The following EML5 variants were observed in gnomAD, a reference collection of about 807,000 sequenced individuals.
EML5 encodes EMAP like 5, also known as echinoderm microtubule-associated protein-like 5.
A neutral mutation model predicts 250.0 loss-of-function variants in EML5; 120 were observed. That is an observed-to-expected ratio of 0.48 (90% CI 0.41 to 0.56). EML5 has a LOEUF of 0.56. EML5 is among the 20% of genes least tolerant of loss of function. The pLI, the probability that EML5 is intolerant of heterozygous loss-of-function variation, is 0.00. For synonymous variants in EML5, 771 were observed against 806.5 expected, an observed-to-expected ratio of 0.96 and a Z score of 0.75; for missense variants, 2,006 against 2,437.6, an observed-to-expected ratio of 0.82 and a Z score of 3.73.
In EML5 at chr14:88,665,432, T is replaced by C; in HGVS notation, c.3182A>G (p.Asp1061Gly). ...DGKALAVGLNDGSFLMANADT... is the reference protein window; with the variant it reads ...DGKALAVGLNGGSFLMANADT... ...CGCATTTGCCATTAAGAAGCTTCCATCGTTGAGACCTACGGCTAAAGCTTT... is the reference window on the plus strand; with the variant it reads ...CGCATTTGCCATTAAGAAGCTTCCACCGTTGAGACCTACGGCTAAAGCTTT... The change falls in exon 22 of 44, where the codon GAT (aspartate) becomes GGT (glycine). Residue 1061 changes from aspartate to glycine, a missense_variant. Coordinates refer to ENST00000554922, the MANE Select transcript of EML5 (RefSeq NM_183387.3). 1 of 1,613,978 alleles carries C rather than the reference T, an allele frequency of 6.2e-7. No homozygotes were observed. Among genetic ancestry groups the C allele is most frequent in the Non-Finnish European group, 8.5e-7 (1 of 1,179,878 alleles).
At chr14:88,761,521 A>G (rs2094243064) in intron 1 of EML5, among the ~76,000 whole-genome samples, 1 of 152,230 alleles carries the variant, frequency 6.6e-6, no homozygotes, top group Admixed American at 6.5e-5. Context: ...TGCAAAGGAC[A>G]TGAACTCATC....
chr14:88,619,199 CT>C (rs2088365572), intron 39 of EML5: 1 of 155,774 alleles, frequency 6.4e-6, no homozygotes. Flanking sequence ...AACCCTGTCT[CT>C]ACTAAAAATA....
intron 1 of EML5, among the ~76,000 whole-genome samples, chr14:88,772,387 C>T (rs2094402099): frequency 6.6e-6 from 1 of 152,216 alleles, no homozygotes. Context: ...TCATTTACCT[C>T]GGTAAAAACC....
chr14:88,755,530 G>A (rs1029529145), intron 1 of EML5, among the ~76,000 whole-genome samples: 2 of 152,122 alleles, frequency 1.3e-5, no homozygotes, highest in Non-Finnish European at 2.9e-5. Context: ...CTAGCAGTTG[G>A]TAATAGTTTA....
At chr14:88,664,268 C>G (rs1264923952) in intron 23 of EML5, among the ~76,000 whole-genome samples, 1 of 129,514 alleles carries the variant, frequency 7.7e-6, no homozygotes, top group Non-Finnish European at 1.6e-5. Context: ...CAGAGTGAGA[C>G]CTGTCTCAAA....
At chr14:88,626,320 GA>G (rs2089937892) in intron 35 of EML5, 1 of 153,518 alleles carries the variant, frequency 6.5e-6, no homozygotes. Context: ...GTAGTCCAAG[GA>G]ATCAAATGTT....
chr14:88,756,804 A>G (rs565125192), intron 1 of EML5, among the ~76,000 whole-genome samples: 1 of 152,176 alleles, frequency 6.6e-6, no homozygotes, highest in Non-Finnish European at 1.5e-5. Flanking sequence ...GAAAACTACA[A>G]AAACCCACTG....
Position 88,638,875 on chromosome 14 carries a change from C to T in EML5, c.4270G>A (p.Asp1424Asn). The T allele has an allele frequency of 6.3e-7, 1 of 1,594,184 alleles. No homozygotes were observed. The highest frequency in any genetic ancestry group is 2.3e-5 in the East Asian group (1 of 44,340). Residue 1424 changes from aspartate (D) to asparagine (N), a missense_variant, in exon 32 of 44, where the codon GAT (aspartate) becomes AAT (asparagine). Physicochemically the swap from Asp to Asn is conservative, Grantham distance 23 (BLOSUM62 1). Around this residue, in one of 7 missense-constraint regions of EML5, gnomAD observed 1,375 missense variants for 1,590.3 expected, o/e 0.86. Transcript: ENST00000554922. ...SQSFYQEHNDDILCLTVNQHP... is the reference protein window; with the variant it reads ...SQSFYQEHNDNILCLTVNQHP... The stretch of plus-strand genomic sequence containing the variant: ...TGGTTTACTGTGAGGCACAGAATAT[C>T]ATCATTATGTTCCTGATAAAAACTC...
chr14:88,729,677 A>C (rs2093723089), intron 7 of EML5, among the ~76,000 whole-genome samples: 2 of 151,498 alleles, frequency 1.3e-5, no homozygotes. Context: ...CTCGTGCCTC[A>C]CCCTCCTGAG....
Position 88,696,887 on chromosome 14 carries a change from C to A in EML5, c.2304G>T (p.Lys768Asn). ...TETIKPLSIL[K>N]GHHQYGVSAV... The stretch of plus-strand genomic sequence containing the variant: ...CACTAACACCATACTGGTGGTGGCC[C>A]TTTAATATGGACAATGGTTTAATGG... The change falls in exon 15 of 44, where the codon AAG becomes AAT. Residue 768 changes from lysine to asparagine, a missense_variant. Lys to Asn is a moderately conservative substitution (Grantham distance 94). Transcript: ENST00000554922. The A allele has an allele frequency of 6.2e-7, 1 of 1,609,856 alleles. No individual in the cohort carries two copies. The highest frequency in any genetic ancestry group is 1.1e-5 in the South Asian group (1 of 90,216).
At chr14:88,751,805 G>GA (rs2094100070) in intron 2 of EML5, among the ~76,000 whole-genome samples, 1 of 152,124 alleles carries the variant, frequency 6.6e-6, no homozygotes, top group South Asian at 2.1e-4. Flanking sequence ...AAGAAAACCA[G>GA]ATAAAGAAGC....
At chr14:88,783,964 T>TA (rs1222817194) in intron 1 of EML5, among the ~76,000 whole-genome samples, 1 of 152,202 alleles carries the variant, frequency 6.6e-6, no homozygotes, top group Non-Finnish European at 1.5e-5. Context: ...TCAAGCATCT[T>TA]CTCTGACCAC....
chr14:88,730,311 A>G (rs959427484), intron 7 of EML5, among the ~76,000 whole-genome samples: 2 of 152,210 alleles, frequency 1.3e-5, no homozygotes, highest in Admixed American at 6.5e-5. Context: ...GAAAATTTAA[A>G]ACAGAATATC....
At chr14:88,647,687 CAAAA>C (rs34191990) in intron 28 of EML5, among the ~76,000 whole-genome samples, 2 of 48,742 alleles carry the variant, frequency 4.1e-5, no homozygotes, top group African/African-American at 1.5e-4. Flanking sequence ...GAGACCGTCT[CAAAA>C]AAAAAAAAAA....
chr14:88,663,109 T>C lies in EML5; in HGVS notation c.3420A>G (p.Leu1140=). ...GTTCCTTAGCACCAGTGTTGACCTG[T>C]AAAAGCTTTCCTTCAAAAAAATTTT... ...HIDWDIRGKL[L]QVNTGAKEQL... Residue 1140 remains leucine (L), a synonymous_variant, in exon 24 of 44, where the codon TTA becomes TTG. Coordinates refer to ENST00000554922, the MANE Select transcript of EML5 (RefSeq NM_183387.3). The C allele has an allele frequency of 6.5e-7, 1 of 1,538,356 alleles. No individual in the cohort carries two copies. Among genetic ancestry groups the C allele is most frequent in the Non-Finnish European group, 8.8e-7 (1 of 1,141,926 alleles).
intron 42 of EML5, 126 bp from the exon 43 acceptor site, chr14:88,616,368 G>T: frequency 2.2e-6 from 2 of 905,186 alleles, no homozygotes; most frequent in Non-Finnish European, 3.5e-6. Context: ...CGCAGCCAGT[G>T]ATTAGAATGC....
At chr14:88,618,935 C>G in intron 39 of EML5, 123 bp from the exon 40 acceptor site, 1 of 883,456 alleles carries the variant, frequency 1.1e-6, no homozygotes, top group Non-Finnish European at 1.7e-6. Context: ...ATAGATTTAC[C>G]TGTCAGACAC....
intron 2 of EML5, among the ~76,000 whole-genome samples, chr14:88,750,968 C>G (rs888573562): frequency 1.3e-5 from 2 of 152,172 alleles, no homozygotes; most frequent in Admixed American, 1.3e-4. Flanking sequence ...TCTCCTCTGT[C>G]TGGTATAGCT....
chr14:88,712,222 A>G (rs2093420114), intron 10 of EML5, 49 bp downstream of exon 10: 3 of 1,330,272 alleles, frequency 2.3e-6, no homozygotes, highest in Non-Finnish European at 1.1e-6. Flanking sequence ...AAGAACACGA[A>G]AGTCTTCTGT....
Sources: allele counts gnomAD v4.1 joint callset (sites outside exome capture counted in the v4.1 genomes callset), GRCh38; gene constraint gnomAD v4.1.1; regional missense constraint gnomAD v4.1.1; transcripts MANE v1.5; gene names NCBI Gene and HGNC (gene_info 2026-07-23, HGNC 2026-07-21).